AFF2: variants seen among roughly 807,000 people sequenced by gnomAD.
AFF2 encodes ALF transcription elongation factor 2, also known as AF4/FMR2 family member 2.
Under a neutral mutation model 76.9 loss-of-function variants are expected in AFF2, and 14 were observed. That is an observed-to-expected ratio of 0.18 (90% confidence interval 0.12 to 0.28). AFF2 has a LOEUF of 0.28. AFF2 is among the 10% of genes least tolerant of loss of function. The pLI is 1.00. For missense variants in AFF2, 868 were observed against 1,001.1 expected, an observed-to-expected ratio of 0.87 and a Z score of 1.79; for synonymous variants, 398 against 366.7, an observed-to-expected ratio of 1.09 and a Z score of -0.98.
At chrX:148,782,205 C>A (rs1449147996) in intron 3 of AFF2, among the ~76,000 whole-genome samples, 3 of 111,968 alleles carry the variant, frequency 2.7e-5, no homozygotes, top group Non-Finnish European at 5.6e-5. Context: ...TTAATGTTCA[C>A]AGATTCCAGG....
At chrX:148,763,112 G>A (rs1242468683) in intron 3 of AFF2, among the ~76,000 whole-genome samples, 1 of 111,854 alleles carries the variant, frequency 8.9e-6, no homozygotes, top group African/African-American at 3.2e-5. Context: ...TCTTTTTTTA[G>A]TTTTGAGAAT....
intron 4 of AFF2, 35 bp from the exon 5 acceptor site, chrX:148,837,612 C>T (rs782256917): frequency 1.1e-6 from 1 of 891,701 alleles, no homozygotes; most frequent in Non-Finnish European, 1.6e-6. Flanking sequence ...TTTTTAATTG[C>T]CCTGAAATAA....
intron 9 of AFF2, among the ~76,000 whole-genome samples, chrX:148,906,680 A>G (rs2071410560): frequency 8.9e-6 from 1 of 111,763 alleles, no homozygotes; most frequent in Non-Finnish European, 1.9e-5. Context: ...CTCACACTGT[A>G]TGGGAGCTCT....
At chrX:148,770,428 C>A (rs1217394696) in intron 3 of AFF2, among the ~76,000 whole-genome samples, 4 of 112,137 alleles carry the variant, frequency 3.6e-5, no homozygotes, top group African/African-American at 1.3e-4. Flanking sequence ...CAGGGTCCCA[C>A]ACACTTGAAA....
intron 3 of AFF2, among the ~76,000 whole-genome samples, chrX:148,701,737 A>G (rs1312590181): frequency 8.9e-6 from 1 of 112,129 alleles, no homozygotes; most frequent in Admixed American, 9.5e-5. Flanking sequence ...CCTGAAGTGT[A>G]ATTTACTTGG....
chrX:148,643,056 T>G (rs2054106110), intron 1 of AFF2, among the ~76,000 whole-genome samples: 2 of 111,578 alleles, frequency 1.8e-5, no homozygotes, highest in Admixed American at 1.9e-4. Context: ...TTTGATTAAT[T>G]TAGATAGGGA....
At chrX:148,837,009 C>A (rs1557273876) in intron 4 of AFF2, among the ~76,000 whole-genome samples, 4 of 111,894 alleles carry the variant, frequency 3.6e-5, no homozygotes, top group Non-Finnish European at 7.5e-5. Context: ...GTATGTGCAT[C>A]ATGGGTCACT....
In AFF2 at chrX:148,997,864, A is replaced by G. The variant is rs1830589747; in HGVS notation, c.*6532A>G. On this transcript the variant is annotated 3_prime_UTR_variant, in exon 21 of 21. Transcript: ENST00000370460. Reference sequence around the variant, plus strand: ...TCAATCATATTCACCCATAAATATTACAAATGAGATTGATTCCATCTCAAG... The same window carrying G: ...TCAATCATATTCACCCATAAATATTGCAAATGAGATTGATTCCATCTCAAG... 1 of 112,569 alleles carries G rather than the reference A, an allele frequency of 8.9e-6. No homozygotes were observed. The highest frequency in any genetic ancestry group is 3.2e-5 in the African/African-American group (1 of 30,986). 9.3% of individuals were successfully genotyped at this position (112,569 alleles called of 1,213,427 possible).
intron 5 of AFF2, among the ~76,000 whole-genome samples, chrX:148,840,728 T>C (rs1289881037): frequency 8.9e-6 from 1 of 112,552 alleles, no homozygotes; most frequent in Non-Finnish European, 1.9e-5. Context: ...CTGTGCAGAT[T>C]ATTTCTACAA....
rs185832480 is a variant in AFF2, at chrX:148,885,830, C to T, written c.1263-59C>T. 305 of 961,621 alleles carry T rather than the reference C, an allele frequency of 3.2e-4. 1 individual carries two copies. In the Admixed American group the frequency reaches 3.2e-3, roughly 10 times the overall value. 79.2% of individuals were successfully genotyped at this position (961,621 alleles called of 1,213,427 possible). A position where few individuals can be genotyped will look rare whatever the true frequency, so the allele number is the denominator to read the frequency against. On this transcript the variant is annotated intron_variant, in intron 7 of 20. Transcript: ENST00000370460. Reference sequence around the variant, plus strand: ...ACTTTATTCTCATTGCAAGATGTATCCGAGGATGATTTAGAAAATATGCCT... The same window carrying T: ...ACTTTATTCTCATTGCAAGATGTATTCGAGGATGATTTAGAAAATATGCCT...
intron 3 of AFF2, among the ~76,000 whole-genome samples, chrX:148,681,534 AGATGTGTGT>A (rs1325913172): frequency 1.5e-5 from 1 of 67,249 alleles, no homozygotes; most frequent in Non-Finnish European, 2.9e-5. Context: ...GTGTGCTAAA[AGATGTGTGT>A]GTGTGTGTGT....
At chrX:148,662,875 T>C (rs1364907512) in intron 3 of AFF2, 107 bp downstream of exon 3, 5 of 834,764 alleles carry the variant, frequency 6.0e-6, no homozygotes, top group East Asian at 3.4e-5. Context: ...TAATGAGCTG[T>C]ATAGGATACT....
chrX:148,757,069 A>G (rs1370652329), intron 3 of AFF2, among the ~76,000 whole-genome samples: 1 of 112,707 alleles, frequency 8.9e-6, no homozygotes, highest in East Asian at 2.8e-4. Flanking sequence ...TCAGTTCTGT[A>G]ATAATCTTAC....
chrX:148,719,654 G>T (rs1487849432), intron 3 of AFF2, among the ~76,000 whole-genome samples: 2 of 111,793 alleles, frequency 1.8e-5, no homozygotes, highest in Non-Finnish European at 3.8e-5. Context: ...TGGTCGTGGG[G>T]ATCAAAACAA....
chrX:148,947,014 A>T, intron 9 of AFF2, among the ~76,000 whole-genome samples: 1 of 112,340 alleles, frequency 8.9e-6, no homozygotes, highest in Non-Finnish European at 1.9e-5. Flanking sequence ...TCAACCACAG[A>T]TCACTTCAGT....
At chrX:148,661,585 C>A (rs1251491854) in intron 2 of AFF2, among the ~76,000 whole-genome samples, 2 of 111,867 alleles carry the variant, frequency 1.8e-5, no homozygotes, top group African/African-American at 3.2e-5. Flanking sequence ...CAATTCAGCT[C>A]ATCTGTCACA....
At chrX:148,516,059 C>A (rs1470283853) in intron 1 of AFF2, among the ~76,000 whole-genome samples, 1 of 111,804 alleles carries the variant, frequency 8.9e-6, no homozygotes, top group African/African-American at 3.3e-5. Flanking sequence ...CAGTTCTGCC[C>A]TGGAGACCAC....
intron 1 of AFF2, among the ~76,000 whole-genome samples, chrX:148,620,026 A>G (rs1184344270): frequency 8.9e-6 from 1 of 112,006 alleles, no homozygotes; most frequent in African/African-American, 3.2e-5. Flanking sequence ...AGGTTAGCTC[A>G]GAGGGACTAA....
chrX:148,752,001 G>A (rs1557266517), intron 3 of AFF2, among the ~76,000 whole-genome samples: 1 of 111,354 alleles, frequency 9.0e-6, no homozygotes, highest in Non-Finnish European at 1.9e-5. Flanking sequence ...ATCCTCATGT[G>A]GCAGAAAATG....
Sources: gnomAD v4.1 joint callset for allele counts (sites outside exome capture counted in the v4.1 genomes callset) on GRCh38, gnomAD v4.1.1 for gene constraint, MANE v1.5 for transcripts, NCBI Gene and HGNC (gene_info 2026-07-23, HGNC 2026-07-21) for gene names.